The following ARHGAP32 variants were observed in gnomAD, a reference collection of about 807,000 sequenced individuals.
ARHGAP32 encodes the protein Rho GTPase activating protein 32.
In ARHGAP32, 51 loss-of-function variants were observed where a neutral mutation model predicts 186.5. The observed-to-expected ratio is 0.27, with a 90% CI of 0.22 to 0.35. The LOEUF is 0.35. Ranked by LOEUF, ARHGAP32 falls within the 10% of genes least tolerant of loss-of-function variation. The pLI, the probability that ARHGAP32 is intolerant of heterozygous loss-of-function variation, is 1.00. For synonymous variants in ARHGAP32, 950 were observed against 964.3 expected (o/e 0.99, Z 0.27); for missense variants, 2,186 against 2,623.5 (o/e 0.83, Z 3.64).
chr11:129,276,117 AT>A (rs1246535051), intron 1 of ARHGAP32, among the ~76,000 whole-genome samples: 6 of 152,218 alleles, frequency 3.9e-5, no homozygotes, highest in Non-Finnish European at 8.8e-5. Context: ...ACTCTATTAA[AT>A]TTTAAAAAGC....
chr11:129,153,270 G>C (rs540752780), intron 2 of ARHGAP32, among the ~76,000 whole-genome samples: 5 of 152,224 alleles, frequency 3.3e-5, no homozygotes, highest in Non-Finnish European at 7.4e-5. Context: ...CCATGTTCGT[G>C]GATGGGTAGA....
At chr11:129,043,381 C>CCT (rs1939675374) in intron 10 of ARHGAP32, among the ~76,000 whole-genome samples, 2 of 103,336 alleles carry the variant, frequency 1.9e-5, no homozygotes, top group African/African-American at 7.7e-5. Context: ...TTCTTTTTTT[C>CCT]TTTTTTTTTT....
chr11:129,220,506 T>C (rs1302398445), intron 1 of ARHGAP32, among the ~76,000 whole-genome samples: 1 of 152,170 alleles, frequency 6.6e-6, no homozygotes. Context: ...ATTCCCCAAG[T>C]ACAGGAGAAT....
chr11:129,064,103 A>G, intron 8 of ARHGAP32, 79 bp from the exon 9 acceptor site: 3 of 1,321,978 alleles, frequency 2.3e-6, no homozygotes, highest in Non-Finnish European at 3.0e-6. Flanking sequence ...AAAGAAATTC[A>G]TTTTAATTTA....
At chr11:129,259,822 A>G (rs1945299118) in intron 1 of ARHGAP32, among the ~76,000 whole-genome samples, 1 of 152,234 alleles carries the variant, frequency 6.6e-6, no homozygotes, top group Non-Finnish European at 1.5e-5. Context: ...CTATGCAGAC[A>G]TGAGATTCTT....
At chr11:129,052,050 T>C (rs1940073053) in intron 10 of ARHGAP32, among the ~76,000 whole-genome samples, 1 of 151,712 alleles carries the variant, frequency 6.6e-6, no homozygotes, top group East Asian at 1.9e-4. Flanking sequence ...TTTTATAGTT[T>C]ATACTTTATA....
chr11:129,271,576 C>T (rs149388971), intron 1 of ARHGAP32, among the ~76,000 whole-genome samples: 68 of 151,966 alleles, frequency 4.5e-4, no homozygotes, highest in African/African-American at 1.4e-3. Flanking sequence ...GAGTCTAGAG[C>T]GCAAGGGGGA....
intron 2 of ARHGAP32, among the ~76,000 whole-genome samples, chr11:129,157,933 TA>T (rs1457777413): frequency 2.0e-5 from 3 of 151,714 alleles, no homozygotes; most frequent in East Asian, 3.9e-4. Context: ...TTCAACATTC[TA>T]AAAAGAATTT....
chr11:129,201,171 G>T (rs1192466342), intron 1 of ARHGAP32, among the ~76,000 whole-genome samples: 4 of 152,090 alleles, frequency 2.6e-5, no homozygotes, highest in Non-Finnish European at 5.9e-5. Context: ...ATATTAAGTG[G>T]AAATTTCATA....
chr11:129,093,888 T>C (rs1941656076), intron 5 of ARHGAP32, among the ~76,000 whole-genome samples, 181 bp from the exon 6 acceptor site: 1 of 152,186 alleles, frequency 6.6e-6, no homozygotes, highest in Non-Finnish European at 1.5e-5. Context: ...GTGTTTCAGA[T>C]AAAATATATA....
At chr11:129,168,101 C>G (rs1383932714) in intron 1 of ARHGAP32, among the ~76,000 whole-genome samples, 1 of 152,026 alleles carries the variant, frequency 6.6e-6, no homozygotes, top group Non-Finnish European at 1.5e-5. Context: ...CAAAAATTAG[C>G]CAGGTGAAAT....
rs909135868 is a variant in ARHGAP32 at position 128,967,572 on chromosome 11, G to A, written c.*1335C>T. 2 of 152,174 alleles carry A rather than the reference G, an allele frequency of 1.3e-5. No homozygotes were observed. Among genetic ancestry groups the A allele is most frequent in the African/African-American group, 4.8e-5 (2 of 41,426 alleles). 9.4% of individuals were successfully genotyped at this position (152,174 alleles called of 1,614,324 possible). A position where few individuals can be genotyped will look rare whatever the true frequency, so the allele number is the denominator to read the frequency against. ...GAGAGTTCCTACTCTAATAAGGAAT[G>A]CAACTTTCAAAACTCGTGGGTGTTA... On this transcript the variant is annotated 3_prime_UTR_variant, in exon 23 of 23. Transcript: ENST00000682385.
chr11:129,248,977 A>G (rs1945142066), intron 1 of ARHGAP32, among the ~76,000 whole-genome samples: 1 of 152,232 alleles, frequency 6.6e-6, no homozygotes. Flanking sequence ...GTGGTCACTT[A>G]GCAAACCAAA....
intron 1 of ARHGAP32, among the ~76,000 whole-genome samples, chr11:129,276,872 G>A (rs1040206127): frequency 5.9e-5 from 9 of 152,128 alleles, no homozygotes; most frequent in Non-Finnish European, 8.8e-5. Flanking sequence ...AGGAAGGTAC[G>A]CTGTCACACA....
chr11:129,051,953 CAAAAAAA>C (rs36014500), intron 10 of ARHGAP32, among the ~76,000 whole-genome samples: 812 of 71,116 alleles, frequency 0.011, 11 homozygotes, highest in African/African-American at 0.036. Context: ...GATTCTGTCT[CAAAAAAA>C]AAAAAAAAAA....
intron 1 of ARHGAP32, among the ~76,000 whole-genome samples, chr11:129,168,152 G>A (rs931022799): frequency 6.6e-6 from 1 of 152,164 alleles, no homozygotes; most frequent in African/African-American, 2.4e-5. Context: ...AGGCTGAGGT[G>A]AGAAGATCAC....
At chr11:129,092,241 AT>A (rs1941599288) in intron 6 of ARHGAP32, among the ~76,000 whole-genome samples, 1 of 151,518 alleles carries the variant, frequency 6.6e-6, no homozygotes, top group African/African-American at 2.4e-5. Context: ...ATTTTTTTTT[AT>A]TTTTTTCATG....
At chr11:129,093,502 A>G (rs1025223575) in intron 6 of ARHGAP32, 119 bp downstream of exon 6, 55 of 699,234 alleles carry the variant, frequency 7.9e-5, no homozygotes, top group Middle Eastern at 5.3e-4. Context: ...TCAGTATTAT[A>G]TAAGTATTTT....
chr11:129,244,420 G>A (rs893478480), intron 1 of ARHGAP32, among the ~76,000 whole-genome samples: 1 of 152,126 alleles, frequency 6.6e-6, no homozygotes, highest in Non-Finnish European at 1.5e-5. Context: ...TGTTGTAATG[G>A]TCTTTCACAT....
Sources: gnomAD v4.1 joint callset for allele counts (sites outside exome capture counted in the v4.1 genomes callset) on GRCh38, gnomAD v4.1.1 for gene constraint, MANE v1.5 for transcripts, NCBI Gene and HGNC (gene_info 2026-07-23, HGNC 2026-07-21) for gene names.